The following SLIT1 variants were observed in gnomAD, a reference collection of about 807,000 sequenced individuals.
SLIT1 encodes slit guidance ligand 1.
Under a neutral mutation model 186.1 loss-of-function variants are expected in SLIT1, and 66 were observed. That is an observed-to-expected ratio of 0.35 (90% CI 0.29 to 0.44). The LOEUF (loss-of-function observed/expected upper bound fraction) is 0.44, where lower values mean the gene tolerates loss of function less well. Among genes scored for constraint, SLIT1 ranks in the 20% least tolerant of loss-of-function variants. The pLI is 1.00. For synonymous variants in SLIT1, 761 were observed against 833.8 expected, an observed-to-expected ratio of 0.91 and a Z score of 1.50; for missense variants, 1,638 against 2,037.4, an observed-to-expected ratio of 0.80 and a Z score of 3.77.
chr10:97,085,708 A>C (rs1849152727), intron 4 of SLIT1, among the ~76,000 whole-genome samples: 1 of 152,246 alleles, frequency 6.6e-6, no homozygotes, highest in African/African-American at 2.4e-5. Flanking sequence ...AGTTTTAATC[A>C]ATCAATTATT....
At chr10:97,183,387 C>T (rs1202687107) in intron 1 of SLIT1, among the ~76,000 whole-genome samples, 3 of 152,208 alleles carry the variant, frequency 2.0e-5, no homozygotes, top group African/African-American at 4.8e-5. Flanking sequence ...TAATGGCTCT[C>T]GTTTAGCGAG....
chr10:97,170,836 G>A (rs1401858663), intron 1 of SLIT1, among the ~76,000 whole-genome samples: 1 of 152,160 alleles, frequency 6.6e-6, no homozygotes, highest in Admixed American at 6.5e-5. Context: ...CCAGTCTCTG[G>A]GTGTTTGTGA....
In SLIT1 at chr10:97,004,521, C is replaced by T. The variant is rs185962078; in HGVS notation, c.3710+172G>A. Among the ~76,000 whole-genome samples the T allele has an allele frequency of 6.6e-6, 1 of 152,262 alleles. No homozygotes were observed. Among genetic ancestry groups the T allele is most frequent in the Admixed American group, 6.5e-5 (1 of 15,300 alleles). Reference sequence around the variant, plus strand: ...GGAAGGATGGGGCCACTGCACAGGCCTCAGAGACCTCAGCCCCAAGCTGGG... The same window carrying T: ...GGAAGGATGGGGCCACTGCACAGGCTTCAGAGACCTCAGCCCCAAGCTGGG... On this transcript the variant is annotated intron_variant, in intron 33 of 36. Transcript: ENST00000266058. The surrounding 1 kb of genome is among the most constrained non-coding windows in gnomAD (Gnocchi z 5.1).
At chr10:97,059,916 G>A (rs1298953576) in intron 10 of SLIT1, among the ~76,000 whole-genome samples, 171 bp downstream of exon 10, 1 of 152,228 alleles carries the variant, frequency 6.6e-6, no homozygotes, top group Non-Finnish European at 1.5e-5. Flanking sequence ...AGCCCTGCAA[G>A]GAGGTCCCCG....
intron 4 of SLIT1, chr10:97,154,428 T>C (rs1849920824): frequency 6.6e-6 from 1 of 152,252 alleles, no homozygotes; most frequent in South Asian, 2.1e-4. Flanking sequence ...CAGATGAGGT[T>C]AAGAAATGTC....
intron 4 of SLIT1, among the ~76,000 whole-genome samples, chr10:97,071,494 T>G (rs1416626858): frequency 6.6e-6 from 1 of 152,210 alleles, no homozygotes; most frequent in African/African-American, 2.4e-5. Context: ...TTCGTATTGA[T>G]TTGCTTATCG....
chr10:97,063,394 G>T (rs1442152474), intron 8 of SLIT1, 61 bp downstream of exon 8: 1 of 1,580,534 alleles, frequency 6.3e-7, no homozygotes, highest in African/African-American at 1.3e-5. Flanking sequence ...TTAGGGGCGG[G>T]AACAAGAGGC....
At chr10:97,152,441 C>T (rs758108504) in intron 4 of SLIT1, among the ~76,000 whole-genome samples, 3 of 112,270 alleles carry the variant, frequency 2.7e-5, no homozygotes, top group Admixed American at 2.2e-4. Flanking sequence ...GATGTGGACT[C>T]ATCTGACATT....
intron 24 of SLIT1, among the ~76,000 whole-genome samples, chr10:97,031,397 A>G (rs1203100744): frequency 6.6e-6 from 1 of 152,210 alleles, no homozygotes; most frequent in Non-Finnish European, 1.5e-5. Flanking sequence ...CTTGGGGGTG[A>G]CAGCAACCCC....
At position 97,043,651 on chromosome 10, in the gene SLIT1, C is replaced by T. The variant is rs1178377060; in HGVS notation, c.1854-138G>A. ...CGAGCCGCAGAGCCAGGAACACGCA[C>T]CAGCCAGGCCCCGGCCAGGTGAGGC... On this transcript the variant is annotated intron_variant, in intron 18 of 36. Transcript: ENST00000266058. This position sits in a 1 kb window ranked among gnomAD's most constrained non-coding sequence, Gnocchi z 7.0. The T allele has an allele frequency of 3.6e-6, 3 of 837,148 alleles. No homozygotes were observed. The highest frequency in any genetic ancestry group is 3.4e-5 in the African/African-American group (2 of 59,224). The allele number at this position is 837,148 out of a possible 1,614,324, so 51.9% of individuals were successfully genotyped here.
chr10:97,165,619 G>A (rs995134820), intron 1 of SLIT1, among the ~76,000 whole-genome samples: 3 of 152,166 alleles, frequency 2.0e-5, no homozygotes, highest in African/African-American at 7.2e-5. Flanking sequence ...GCAGGGCTGA[G>A]GGAAGGCAGG....
chr10:97,044,473 A>G (rs1184734312), intron 18 of SLIT1, among the ~76,000 whole-genome samples: 1 of 152,184 alleles, frequency 6.6e-6, no homozygotes. Context: ...AACAAAAACC[A>G]AGTCAACACA....
At chr10:97,112,369 C>G (rs1023786068) in intron 4 of SLIT1, among the ~76,000 whole-genome samples, 1 of 152,238 alleles carries the variant, frequency 6.6e-6, no homozygotes, top group Admixed American at 6.5e-5. Flanking sequence ...GTTCTGAGCT[C>G]CCCTTTCCGC....
At chr10:97,016,961 G>A (rs1848459340) in intron 28 of SLIT1, among the ~76,000 whole-genome samples, 1 of 152,204 alleles carries the variant, frequency 6.6e-6, no homozygotes, top group African/African-American at 2.4e-5. Flanking sequence ...AGTGGCCTGT[G>A]GTACGAGCTG....
chr10:97,007,911 A>G (rs1848373797), intron 31 of SLIT1, among the ~76,000 whole-genome samples: 2 of 148,268 alleles, frequency 1.3e-5, no homozygotes, highest in South Asian at 4.4e-4. Flanking sequence ...CACAATTTCT[A>G]TTCAATATTT....
chr10:97,185,258 C>T (rs1850395397), intron 1 of SLIT1, among the ~76,000 whole-genome samples: 1 of 152,370 alleles, frequency 6.6e-6, no homozygotes, highest in South Asian at 2.1e-4. Flanking sequence ...AGGACGGAAG[C>T]TGACAACCCC....
At chr10:97,066,706 G>A (rs1374771247) in intron 4 of SLIT1, among the ~76,000 whole-genome samples, 4 of 152,130 alleles carry the variant, frequency 2.6e-5, no homozygotes, top group East Asian at 3.9e-4. Context: ...TTTGCTTCCC[G>A]CACAGCCTGC....
intron 1 of SLIT1, among the ~76,000 whole-genome samples, chr10:97,177,532 A>G (rs753854618): frequency 1.3e-5 from 2 of 152,216 alleles, no homozygotes; most frequent in Non-Finnish European, 2.9e-5. Context: ...TGAAAGTAAC[A>G]CAAATGTATT....
At chr10:97,164,183 T>C (rs1212780537) in intron 2 of SLIT1, among the ~76,000 whole-genome samples, 1 of 152,184 alleles carries the variant, frequency 6.6e-6, no homozygotes, top group African/African-American at 2.4e-5. Context: ...ACTTTTGAGA[T>C]AGTCAAGTGT....
Sources: allele counts gnomAD v4.1 joint callset (sites outside exome capture counted in the v4.1 genomes callset), GRCh38; gene constraint gnomAD v4.1.1; non-coding constraint Gnocchi (gnomAD v3.1); transcripts MANE v1.5; gene names NCBI Gene and HGNC (gene_info 2026-07-23, HGNC 2026-07-21).